Variants in FGF12 observed in about 807,000 individuals in gnomAD.
The protein encoded by FGF12 is fibroblast growth factor 12.
In FGF12, 14 loss-of-function variants were observed where a neutral mutation model predicts 23.6. The observed-to-expected ratio is 0.59, with a 90% CI of 0.39 to 0.93. The LOEUF is 0.93. Ranked by LOEUF, FGF12 falls within the 40% of genes least tolerant of loss-of-function variation. The probability of loss-of-function intolerance (pLI) is 0.00; values close to 1 mark genes in which losing one functional copy is unlikely to be tolerated. For synonymous variants in FGF12, 62 were observed against 77.3 expected, an observed-to-expected ratio of 0.80 and a Z score of 1.04; for missense variants, 175 against 217.8, an observed-to-expected ratio of 0.80 and a Z score of 1.24.
intron 2 of FGF12, among the ~76,000 whole-genome samples, chr3:192,562,067 A>C (rs1215310177): frequency 6.6e-6 from 1 of 152,232 alleles, no homozygotes; most frequent in Non-Finnish European, 1.5e-5. Flanking sequence ...CCTTATACTC[A>C]GCAATTTTAA....
In FGF12 at chr3:192,360,058, G is replaced by A. The variant is rs1191744759; in HGVS notation, c.124+370C>T. 2.0e-5 allele frequency among the ~76,000 whole-genome samples: 3 copies of A among 151,650 alleles called. No homozygotes were observed. The highest frequency in any genetic ancestry group is 4.4e-5 in the Non-Finnish European group (3 of 67,938). On this transcript the variant is annotated intron_variant, in intron 3 of 5. Transcript: ENST00000445105. This position sits in a 1 kb window ranked among gnomAD's most constrained non-coding sequence, Gnocchi z 4.3. The stretch of plus-strand genomic sequence containing the variant: ...AGAAATATAGAACTTGTTCATTATT[G>A]AACTATAACTTGTTCATCACTTGGT...
At chr3:192,222,519 C>T (rs561454885) in intron 4 of FGF12, among the ~76,000 whole-genome samples, 1 of 152,206 alleles carries the variant, frequency 6.6e-6, no homozygotes, top group East Asian at 1.9e-4. Flanking sequence ...TCTTGCACAT[C>T]AGATTTCACC....
chr3:192,326,032 A>C (rs936027654), intron 4 of FGF12, among the ~76,000 whole-genome samples: 27 of 152,260 alleles, frequency 1.8e-4, no homozygotes, highest in African/African-American at 6.5e-4. Context: ...TTATTGCCAA[A>C]ATTAAACTGT....
At chr3:192,395,939 C>T (rs1013515633) in intron 2 of FGF12, among the ~76,000 whole-genome samples, 1 of 152,126 alleles carries the variant, frequency 6.6e-6, no homozygotes, top group Non-Finnish European at 1.5e-5. Flanking sequence ...TGGATAGATG[C>T]AGTAAATGTT....
chr3:192,567,353 A>G (rs1472490074), intron 2 of FGF12, among the ~76,000 whole-genome samples: 1 of 151,952 alleles, frequency 6.6e-6, no homozygotes, highest in Non-Finnish European at 1.5e-5. Flanking sequence ...AAGTTGGAGA[A>G]AAAAAAAGGG....
chr3:192,271,494 C>T (rs1057158630), intron 4 of FGF12, among the ~76,000 whole-genome samples: 6 of 152,142 alleles, frequency 3.9e-5, no homozygotes, highest in African/African-American at 1.4e-4. Context: ...CTCCCATCAG[C>T]GTATCCCACC....
At position 192,406,826 on chromosome 3, in the gene FGF12, G is replaced by A. The variant is rs73889324; in HGVS notation, c.14-46288C>T. 5.4e-3 allele frequency among the ~76,000 whole-genome samples: 819 copies of A among 152,176 alleles called. 12 individuals are homozygous for A. The highest frequency in any genetic ancestry group is 0.019 in the African/African-American group (794 of 41,502). ...GACTTGTCCAGACTTCCCAAGTGTC[G>A]CCCTTCATCCAATGGACCCAACCAT... On this transcript the variant is annotated intron_variant, in intron 2 of 5. Transcript: ENST00000445105.
Position 192,408,107 on chromosome 3 carries a change from G to T in FGF12, c.14-47569C>A, listed in dbSNP as rs757384685. 1.9e-6 allele frequency: 3 copies of T among 1,613,164 alleles called. No homozygotes were observed. In the South Asian group the frequency reaches 3.3e-5, roughly 18 times the overall value. ...CCCCGAGGACGTGCCTCTCGCACAG[G>T]GAGCGCCCGTCTTTGCTGGGGCTGG... On this transcript the variant is annotated intron_variant, in intron 2 of 5. Coordinates refer to ENST00000445105, the MANE Select transcript of FGF12 (RefSeq NM_004113.6). The surrounding 1 kb of genome is among the most constrained non-coding windows in gnomAD (Gnocchi z 7.3).
chr3:192,691,749 T>G (rs1260803353), intron 2 of FGF12, among the ~76,000 whole-genome samples: 1 of 151,862 alleles, frequency 6.6e-6, no homozygotes, highest in Non-Finnish European at 1.5e-5. Context: ...AGAGTTGAGT[T>G]TTTGAAAAAA....
intron 4 of FGF12, among the ~76,000 whole-genome samples, chr3:192,219,780 C>T (rs750565847): frequency 1.3e-5 from 2 of 152,198 alleles, no homozygotes; most frequent in East Asian, 3.9e-4. Context: ...TTGAGAACCA[C>T]TGCACTATGT....
In FGF12 at chr3:192,284,953, A is replaced by T. The variant is rs114893283; in HGVS notation, c.228+50408T>A. On this transcript the variant is annotated intron_variant, in intron 4 of 5. Coordinates refer to ENST00000445105, the MANE Select transcript of FGF12 (RefSeq NM_004113.6). ...ATGAATGTTACTGGGATTTACAACA[A>T]GCTGATTGGACTGCCCAGGAGCTAC... Among the ~76,000 whole-genome samples the T allele has an allele frequency of 2.0e-3, 310 of 152,154 alleles. 2 individuals are homozygous for T. The highest frequency in any genetic ancestry group is 3.7e-3 in the Non-Finnish European group (250 of 67,948).
chr3:192,278,616 C>T (rs1577313138), intron 4 of FGF12, among the ~76,000 whole-genome samples: 1 of 152,216 alleles, frequency 6.6e-6, no homozygotes, highest in African/African-American at 2.4e-5. Context: ...TTTTAAAACT[C>T]CAATGCAAGA....
chr3:192,344,567 C>A (rs1577373026), intron 3 of FGF12, among the ~76,000 whole-genome samples: 1 of 152,150 alleles, frequency 6.6e-6, no homozygotes, highest in Non-Finnish European at 1.5e-5. Context: ...CTGAATTTAT[C>A]GACTTACAGA....
intron 2 of FGF12, among the ~76,000 whole-genome samples, chr3:192,561,355 G>A (rs1712011573): frequency 6.6e-6 from 1 of 151,746 alleles, no homozygotes; most frequent in Non-Finnish European, 1.5e-5. Context: ...ATGATGGTGA[G>A]AAACTTCACT....
intron 4 of FGF12, among the ~76,000 whole-genome samples, chr3:192,295,561 C>T (rs1353247001): frequency 3.9e-5 from 6 of 152,196 alleles, no homozygotes; most frequent in African/African-American, 7.2e-5. Flanking sequence ...ACATTTCTCT[C>T]TTAATTTTCT....
At chr3:192,582,672 C>G (rs908822505) in intron 2 of FGF12, among the ~76,000 whole-genome samples, 2 of 138,992 alleles carry the variant, frequency 1.4e-5, no homozygotes, top group Non-Finnish European at 3.1e-5. Context: ...GAAATGCTTC[C>G]ACAGCTAGTA....
chr3:192,507,707 G>A (rs575981549), intron 2 of FGF12, among the ~76,000 whole-genome samples: 11 of 152,316 alleles, frequency 7.2e-5, no homozygotes, highest in African/African-American at 2.2e-4. Context: ...TCACCAGGCT[G>A]AAAGGGCTAT....
intron 2 of FGF12, among the ~76,000 whole-genome samples, chr3:192,475,230 C>T (rs1299628893): frequency 1.3e-5 from 2 of 152,214 alleles, no homozygotes; most frequent in African/African-American, 4.8e-5. Context: ...TGATGATGCT[C>T]TTGAAAGCAC....
intron 2 of FGF12, among the ~76,000 whole-genome samples, chr3:192,719,556 T>G (rs1210789546): frequency 6.6e-6 from 1 of 152,190 alleles, no homozygotes; most frequent in Non-Finnish European, 1.5e-5. Context: ...ATATTTCTCT[T>G]TTAAATCCCA....
Sources: gnomAD v4.1 joint callset for allele counts (sites outside exome capture counted in the v4.1 genomes callset) on GRCh38, gnomAD v4.1.1 for gene constraint, Gnocchi (gnomAD v3.1) non-coding constraint, MANE v1.5 for transcripts, NCBI Gene and HGNC (gene_info 2026-07-23, HGNC 2026-07-21) for gene names.